Variants in SUMF1 observed in about 807,000 individuals in gnomAD.
SUMF1 encodes the protein formylglycine-generating enzyme.
SUMF1 carries 48 observed loss-of-function variants against 47.6 expected under a neutral mutation model. The ratio of observed to expected loss-of-function variants is 1.01; its 90% CI spans 0.80 to 1.28. SUMF1 has a LOEUF of 1.28. Among genes scored for constraint, SUMF1 ranks in the 50% most tolerant of loss-of-function variants. The pLI is 0.00. For synonymous variants in SUMF1, 230 were observed against 192.1 expected (o/e 1.20, Z -1.63); for missense variants, 571 against 485.4 (o/e 1.18, Z -1.66).
intron 8 of SUMF1, among the ~76,000 whole-genome samples, chr3:4,158,076 C>T (rs1272197258): frequency 6.6e-6 from 1 of 151,604 alleles, no homozygotes; most frequent in Non-Finnish European, 1.5e-5. Context: ...ATTCAAAGAG[C>T]ATCTGCCCTG....
chr3:4,402,475 C>G lies in SUMF1; in HGVS notation c.954+8390G>C, dbSNP rs893677737. On this transcript the variant is annotated intron_variant, in intron 7 of 8. Coordinates refer to ENST00000272902, the MANE Select transcript of SUMF1 (RefSeq NM_182760.4). ...CAACAAACTAGGAGCTTCTTAACAG[C>G]AAGACTGGTGTTTCACATACCTGTA... Among the ~76,000 whole-genome samples the G allele has an allele frequency of 2.0e-5, 3 of 152,326 alleles. No homozygotes were observed. The East Asian group carries it at 5.8e-4, about 29-fold the overall frequency.
rs1017341426 is a variant in SUMF1 at position 4,200,179 on chromosome 3, T to TC, written c.1015-131435_1015-131434insG. On this transcript the variant is annotated intron_variant and NMD_transcript_variant, in intron 8 of 12. Coordinates refer to the SUMF1 transcript ENST00000448413. ...GGTGTGAGGTAAGCATCAAGATTTT[T>TC]TTTTTTTTTTTTTTGCGTATGGCTA... Among the ~76,000 whole-genome samples, 333 of 151,248 alleles carry TC rather than the reference T, an allele frequency of 2.2e-3. 4 individuals carry two copies. Among genetic ancestry groups the TC allele is most frequent in the Non-Finnish European group, 7.8e-4 (53 of 67,742 alleles).
chr3:4,272,664 A>T (rs899107600), intron 8 of SUMF1, among the ~76,000 whole-genome samples: 5 of 152,220 alleles, frequency 3.3e-5, no homozygotes, highest in Non-Finnish European at 7.3e-5. Flanking sequence ...TTCTTAAAAA[A>T]CACAGTGGCA....
Position 4,177,095 on chromosome 3 carries a change from C to T in SUMF1, c.1015-108350G>A, listed in dbSNP as rs935405838. On this transcript the variant is annotated intron_variant and NMD_transcript_variant, in intron 8 of 12. Transcript: ENST00000448413. ...ACTCCCACACAATAAAAATGGGAGA[C>T]TTTAATACCCCACTGTCAATATTAG... Among the ~76,000 whole-genome samples the T allele has an allele frequency of 3.7e-4, 56 of 152,254 alleles. 1 individual carries two copies. The highest frequency in any genetic ancestry group is 1.2e-3 in the African/African-American group (51 of 41,538).
intron 7 of SUMF1, among the ~76,000 whole-genome samples, chr3:4,377,226 C>T (rs971369260): frequency 2.0e-5 from 3 of 152,004 alleles, no homozygotes; most frequent in African/African-American, 4.8e-5. Flanking sequence ...AATTAATATA[C>T]AGTAAAATTC....
At chr3:4,419,107 T>A (rs1338227429) in intron 4 of SUMF1, among the ~76,000 whole-genome samples, 1 of 152,224 alleles carries the variant, frequency 6.6e-6, no homozygotes, top group Non-Finnish European at 1.5e-5. Flanking sequence ...GTTGACTGCA[T>A]GGATAACATA....
chr3:4,222,420 G>C (rs551414799), intron 8 of SUMF1, among the ~76,000 whole-genome samples: 1 of 151,980 alleles, frequency 6.6e-6, no homozygotes, highest in Admixed American at 6.6e-5. Flanking sequence ...GGAGGTACCA[G>C]ATGTTTGAGT....
intron 8 of SUMF1, among the ~76,000 whole-genome samples, chr3:4,253,321 A>C (rs313673): frequency 9.9e-5 from 15 of 151,874 alleles, no homozygotes; most frequent in Non-Finnish European, 2.2e-4. Context: ...CGCAGAAGAC[A>C]GGTGATTTCT....
chr3:4,237,518 T>G (rs1375747093), intron 8 of SUMF1, among the ~76,000 whole-genome samples: 1 of 152,164 alleles, frequency 6.6e-6, no homozygotes, highest in East Asian at 1.9e-4. Context: ...TTTTAAATAT[T>G]TTAGATAATA....
intron 8 of SUMF1, among the ~76,000 whole-genome samples, chr3:4,304,296 C>T (rs1337886503): frequency 6.6e-6 from 1 of 152,274 alleles, no homozygotes. Context: ...CATGGGCCAC[C>T]ACGCCCGGCT....
intron 9 of SUMF1, among the ~76,000 whole-genome samples, chr3:4,052,858 T>C (rs1695136348): frequency 1.3e-5 from 2 of 152,160 alleles, no homozygotes; most frequent in African/African-American, 2.4e-5. Flanking sequence ...TGTATGTGGT[T>C]TAATGTTCCA....
At chr3:4,171,988 A>G (rs966455020) in intron 8 of SUMF1, among the ~76,000 whole-genome samples, 1 of 152,160 alleles carries the variant, frequency 6.6e-6, no homozygotes, top group Non-Finnish European at 1.5e-5. Flanking sequence ...TATCAAATGT[A>G]TGTTTTAGAA....
At chr3:4,200,677 T>C (rs1695521699) in intron 8 of SUMF1, among the ~76,000 whole-genome samples, 1 of 152,126 alleles carries the variant, frequency 6.6e-6, no homozygotes, top group Non-Finnish European at 1.5e-5. Context: ...GCCTCAATAA[T>C]TGCATGAGGC....
rs1214986786 is a variant in SUMF1, at chr3:4,456,693, TATATATATATAC to T, written c.271-3656_271-3645del. ...ATATACGTGTATATATATATGTGTGTATATATATATACGTATATATATACATATATATACGTG... is the reference window on the plus strand; with the variant it reads ...ATATACGTGTATATATATATGTGTGTGTATATATATACATATATATACGTG... On this transcript the variant is annotated intron_variant, in intron 1 of 8. Transcript: ENST00000272902. 2.2e-3 allele frequency among the ~76,000 whole-genome samples: 289 copies of T among 133,210 alleles called. 6 individuals carry two copies. Among genetic ancestry groups the T allele is most frequent in the African/African-American group, 4.8e-3 (167 of 34,666 alleles). 87.4% of individuals were successfully genotyped at this position (133,210 alleles called of 152,430 possible). A position where few individuals can be genotyped will look rare whatever the true frequency, so the allele number is the denominator to read the frequency against.
chr3:4,282,107 T>G (rs1697541201), intron 8 of SUMF1, among the ~76,000 whole-genome samples: 1 of 152,158 alleles, frequency 6.6e-6, no homozygotes, highest in Non-Finnish European at 1.5e-5. Flanking sequence ...GAAAACATCT[T>G]TAAAGACTCT....
intron 8 of SUMF1, among the ~76,000 whole-genome samples, chr3:4,142,656 G>A (rs965300402): frequency 9.2e-5 from 14 of 151,952 alleles, no homozygotes; most frequent in African/African-American, 3.4e-4. Flanking sequence ...TGAAAAATAG[G>A]TACCTTGGGA....
At chr3:4,257,409 A>G (rs1696980143) in intron 8 of SUMF1, among the ~76,000 whole-genome samples, 2 of 146,904 alleles carry the variant, frequency 1.4e-5, no homozygotes, top group South Asian at 4.5e-4. Context: ...CAACTTCAGC[A>G]AAGTCTCAGG....
chr3:4,142,567 T>C (rs1694096517), intron 8 of SUMF1, among the ~76,000 whole-genome samples: 1 of 152,184 alleles, frequency 6.6e-6, no homozygotes, highest in African/African-American at 2.4e-5. Flanking sequence ...GTATACTCGA[T>C]AGTACCTAAC....
At chr3:4,392,672 G>A (rs1459368214) in intron 7 of SUMF1, among the ~76,000 whole-genome samples, 2 of 149,630 alleles carry the variant, frequency 1.3e-5, no homozygotes, top group East Asian at 1.9e-4. Context: ...GAAAGAGAGC[G>A]AGAGAGAGAG....
Sources: gnomAD v4.1 joint callset for allele counts (sites outside exome capture counted in the v4.1 genomes callset) on GRCh38, gnomAD v4.1.1 for gene constraint, MANE v1.5 for transcripts, NCBI Gene and HGNC (gene_info 2026-07-23, HGNC 2026-07-21) for gene names.